FADS2: variants seen among roughly 807,000 people sequenced by gnomAD.
The protein encoded by FADS2 is fatty acid desaturase 2.
Under a neutral mutation model 61.2 loss-of-function variants are expected in FADS2, and 18 were observed. The observed-to-expected ratio is 0.29, with a 90% CI of 0.20 to 0.44. The LOEUF (loss-of-function observed/expected upper bound fraction) is 0.44, where lower values mean the gene tolerates loss of function less well. FADS2 is among the 20% of genes least tolerant of loss of function. The pLI, the probability that FADS2 is intolerant of heterozygous loss-of-function variation, is 1.00. For missense variants in FADS2, 322 were observed against 572.7 expected (o/e 0.56, Z 4.47); for synonymous variants, 203 against 223.9 (o/e 0.91, Z 0.83).
rs1363906454 is a variant in FADS2 at position 61,828,448 on chromosome 11, A to G, written c.58A>G (p.Thr20Ala). 2 of 1,599,402 alleles carry G rather than the reference A, an allele frequency of 1.3e-6. No individual in the cohort carries two copies. The highest frequency in any genetic ancestry group is 2.3e-5 in the South Asian group (2 of 88,554). ...CGCCGAGCGCGAGGTGTCGGTGCCCACCTTCAGCTGGGAGGAGATTCAGAA... is the reference window on the plus strand; with the variant it reads ...CGCCGAGCGCGAGGTGTCGGTGCCCGCCTTCAGCTGGGAGGAGATTCAGAA... ...GAAEREVSVP[T>A]FSWEEIQKHN... Residue 20 changes from threonine to alanine, a missense_variant, in exon 1 of 12, where the codon ACC becomes GCC. Coordinates refer to ENST00000278840, the MANE Select transcript of FADS2 (RefSeq NM_004265.4). The surrounding 1 kb of genome is among the most constrained non-coding windows in gnomAD (Gnocchi z 6.4).
chr11:61,864,199 T>A (rs183820749), intron 10 of FADS2: 1,717 of 159,186 alleles, frequency 0.011, 39 homozygotes, highest in African/African-American at 0.039. Flanking sequence ...TTTTTTTTTT[T>A]TTATTAAAAA....
chr11:61,846,417 T>A (rs192579183), intron 4 of FADS2, among the ~76,000 whole-genome samples: 15 of 116,204 alleles, frequency 1.3e-4, no homozygotes, highest in African/African-American at 4.7e-4. Context: ...ACTTTTTTTT[T>A]TTTTTTCTCT....
At chr11:61,857,317 G>A (rs2067368812) in intron 6 of FADS2, 137 bp from the exon 7 acceptor site, 2 of 822,528 alleles carry the variant, frequency 2.4e-6, no homozygotes, top group East Asian at 2.5e-5. Flanking sequence ...TTCTCTGCAG[G>A]CCCCGGGGTC....
intron 5 of FADS2, among the ~76,000 whole-genome samples, chr11:61,854,006 G>T (rs1015110904): frequency 8.5e-5 from 13 of 152,166 alleles, no homozygotes; most frequent in Admixed American, 7.2e-4. Flanking sequence ...CAGCCCCGCC[G>T]CCAGGGCTGG....
chr11:61,834,991 C>G lies in FADS2; in HGVS notation c.208-2787C>G, dbSNP rs559718131. Among the ~76,000 whole-genome samples the G allele has an allele frequency of 2.7e-3, 398 of 147,488 alleles. 14 individuals carry two copies. The Middle Eastern group carries it at 0.028, about 10-fold the overall frequency. On this transcript the variant is annotated intron_variant, in intron 1 of 11. Transcript: ENST00000278840. ...GCCTCCTCCCTGCCTGCCCCCCCACCCCAGCCCTCCTCCCTGCCTGCCCCC... is the reference window on the plus strand; with the variant it reads ...GCCTCCTCCCTGCCTGCCCCCCCACGCCAGCCCTCCTCCCTGCCTGCCCCC...
upstream of FADS2, among the ~76,000 whole-genome samples, chr11:61,824,439 G>A (rs7395229): frequency 0.18 from 892 of 4,984 alleles, 147 homozygotes; most frequent in East Asian, 0.52. Flanking sequence ...AGAGAGGGAG[G>A]GAGGGAGGGA....
intron 1 of FADS2, among the ~76,000 whole-genome samples, chr11:61,837,253 TA>T (rs1226777718): frequency 6.6e-6 from 1 of 152,260 alleles, no homozygotes; most frequent in Non-Finnish European, 1.5e-5. Flanking sequence ...GAACGCTTTT[TA>T]CATAATTCTG....
chr11:61,859,157 G>C (rs979492536), intron 7 of FADS2, among the ~76,000 whole-genome samples: 1 of 151,886 alleles, frequency 6.6e-6, no homozygotes, highest in African/African-American at 2.4e-5. Context: ...TCCTGGGTTC[G>C]AGTAATTCTC....
intron 5 of FADS2, among the ~76,000 whole-genome samples, chr11:61,853,616 G>A (rs1233581760): frequency 2.6e-5 from 4 of 152,042 alleles, no homozygotes; most frequent in African/African-American, 9.7e-5. Flanking sequence ...CACCTCTGCT[G>A]CTCTGACTGT....
chr11:61,827,905 C>A (rs2067096739), upstream of FADS2: 1 of 439,492 alleles, frequency 2.3e-6, no homozygotes, highest in Non-Finnish European at 3.1e-6. This position sits in a 1 kb window ranked among gnomAD's most constrained non-coding sequence, Gnocchi z 4.5. Flanking sequence ...GGGGACCCGC[C>A]GCTCCAGCCC....
At chr11:61,864,143 G>A (rs1161037799) in intron 10 of FADS2, 2 of 238,684 alleles carry the variant, frequency 8.4e-6, no homozygotes, top group African/African-American at 4.5e-5. Flanking sequence ...TCGGCCGAGG[G>A]ACTGCCCTGC....
intron 1 of FADS2, chr11:61,817,056 C>A (rs2066992954): frequency 1.8e-6 from 2 of 1,133,228 alleles, no homozygotes; most frequent in African/African-American, 1.6e-5. Context: ...GATTCGACTT[C>A]CTGACGTCAG....
At chr11:61,844,985 GA>G (rs1314913723) in intron 4 of FADS2, among the ~76,000 whole-genome samples, 2 of 136,166 alleles carry the variant, frequency 1.5e-5, no homozygotes, top group Non-Finnish European at 3.1e-5. Flanking sequence ...AGTAGGCTTT[GA>G]AAATGTTATC....
At chr11:61,832,990 C>A (rs2067141176) in intron 1 of FADS2, among the ~76,000 whole-genome samples, 2 of 152,206 alleles carry the variant, frequency 1.3e-5, no homozygotes, top group Admixed American at 1.3e-4. Context: ...TGGCGAGCAA[C>A]TGTGAGTTGT....
In FADS2 at chr11:61,848,234, G is replaced by T; in HGVS notation, c.694G>T (p.Asp232Tyr). The T allele has an allele frequency of 6.2e-7, 1 of 1,614,202 alleles. No individual in the cohort carries two copies. ...GCCTAACATCTTCCACAAGGATCCC[G>T]ATGTGAACATGCTGCACGTGTTTGT... is the stretch of plus-strand genomic sequence containing the variant. ...AKPNIFHKDP[D>Y]VNMLHVFVLG... The change falls in exon 5 of 12, where the codon GAT (aspartate) becomes TAT (tyrosine). Residue 232 changes from aspartate to tyrosine, a missense_variant. Asp to Tyr is a radical substitution (Grantham distance 160). Transcript: ENST00000278840.
intron 5 of FADS2, among the ~76,000 whole-genome samples, chr11:61,851,818 C>T (rs2067309436): frequency 6.6e-6 from 1 of 152,246 alleles, no homozygotes; most frequent in African/African-American, 2.4e-5. Flanking sequence ...AAGCCCTTTT[C>T]CTCGTTTTCT....
intron 1 of FADS2, among the ~76,000 whole-genome samples, chr11:61,831,320 G>A (rs1266148507): frequency 6.6e-6 from 1 of 152,122 alleles, no homozygotes; most frequent in African/African-American, 2.4e-5. Flanking sequence ...CACAGTCTGG[G>A]GAGGGACTGA....
At chr11:61,845,030 CTTTTTTTTTTTTTTT>C (rs71046747) in intron 4 of FADS2, among the ~76,000 whole-genome samples, 9 of 44,166 alleles carry the variant, frequency 2.0e-4, no homozygotes, top group East Asian at 8.8e-4. Flanking sequence ...CAGAAGTGCA[CTTTTTTTTTTTTTTT>C]TTTTTTTTTT....
rs114414086 is a variant in FADS2, at chr11:61,833,377, G to A, written c.208-4401G>A. Reference sequence around the variant, plus strand: ...TGCCAGATATTTCTGTAACCCGGCAGGTGCTGGAAACCTTCTGCCAGCGTT... The same window carrying A: ...TGCCAGATATTTCTGTAACCCGGCAAGTGCTGGAAACCTTCTGCCAGCGTT... On this transcript the variant is annotated intron_variant, in intron 1 of 11. Coordinates refer to ENST00000278840, the MANE Select transcript of FADS2 (RefSeq NM_004265.4). Among the ~76,000 whole-genome samples the A allele has an allele frequency of 9.0e-3, 1,365 of 152,332 alleles. 21 individuals carry two copies. Among genetic ancestry groups the A allele is most frequent in the African/African-American group, 0.031 (1,282 of 41,576 alleles).
Sources: allele counts gnomAD v4.1 joint callset (sites outside exome capture counted in the v4.1 genomes callset), GRCh38; gene constraint gnomAD v4.1.1; non-coding constraint Gnocchi (gnomAD v3.1); transcripts MANE v1.5; gene names NCBI Gene and HGNC (gene_info 2026-07-23, HGNC 2026-07-21).